ZMYND11: variants seen among roughly 807,000 people sequenced by gnomAD.
The protein encoded by ZMYND11 is zinc finger MYND domain-containing protein 11.
A neutral mutation model predicts 84.9 loss-of-function variants in ZMYND11; 9 were observed. The ratio of observed to expected loss-of-function variants is 0.11; its 90% CI spans 0.06 to 0.18. ZMYND11 has a LOEUF of 0.18. Ranked by LOEUF, ZMYND11 falls within the 10% of genes least tolerant of loss-of-function variation. ZMYND11 has a pLI of 1.00. For missense variants in ZMYND11, 409 were observed against 761.0 expected (o/e 0.54, Z 5.44); for synonymous variants, 250 against 244.1 (o/e 1.02, Z -0.23).
At position 248,906 on chromosome 10, in the gene ZMYND11, C is replaced by T. The variant is rs755336043; in HGVS notation, c.1504C>T (p.Arg502Cys). The change falls in exon 14 of 15, where the codon CGT becomes TGT. Residue 502 changes from arginine to cysteine, a missense_variant. Coordinates refer to ENST00000381604, the MANE Select transcript of ZMYND11 (RefSeq NM_001370100.5). ...RVVREALEKL[R>C]SEMEEEKRQA... ...GTGGGTTGTCTTTTCATTCCAGCTG[C>T]GTTCTGAAATGGAAGAAGAAAAGAG... The T allele has an allele frequency of 3.1e-6, 5 of 1,608,168 alleles. No individual in the cohort carries two copies. Among genetic ancestry groups the T allele is most frequent in the Non-Finnish European group, 8.5e-7 (1 of 1,176,892 alleles).
At chr10:176,906 A>G (rs904918709) in intron 1 of ZMYND11, among the ~76,000 whole-genome samples, 6 of 152,156 alleles carry the variant, frequency 3.9e-5, no homozygotes, top group Non-Finnish European at 5.9e-5. Context: ...CAGTAATGCA[A>G]TGTGCACTCA....
chr10:251,022 C>CA (rs1428284790), intron 14 of ZMYND11, among the ~76,000 whole-genome samples: 1 of 152,166 alleles, frequency 6.6e-6, no homozygotes, highest in Non-Finnish European at 1.5e-5. Context: ...GACTCACTCT[C>CA]AAAGAATCAA....
chr10:229,958 C>G (rs1435992244), intron 4 of ZMYND11, among the ~76,000 whole-genome samples: 2 of 152,148 alleles, frequency 1.3e-5, no homozygotes, highest in African/African-American at 4.8e-5. Flanking sequence ...TCCTAGATCT[C>G]CTCTATAATC....
chr10:163,344 A>G (rs1199981553), intron 1 of ZMYND11, among the ~76,000 whole-genome samples: 1 of 152,042 alleles, frequency 6.6e-6, no homozygotes, highest in Non-Finnish European at 1.5e-5. Flanking sequence ...CTATTTGCAA[A>G]TGGCTATTTT....
At chr10:243,383 A>AATTC (rs1438588838) in intron 10 of ZMYND11, among the ~76,000 whole-genome samples, 7 of 152,234 alleles carry the variant, frequency 4.6e-5, no homozygotes, top group Non-Finnish European at 1.0e-4. Context: ...AAAAAACAAG[A>AATTC]ATTCAGTTAT....
chr10:233,156 G>C (rs996766009), intron 4 of ZMYND11, among the ~76,000 whole-genome samples: 59 of 152,290 alleles, frequency 3.9e-4, no homozygotes, highest in Admixed American at 7.8e-4. Flanking sequence ...ACCCCATCCC[G>C]CAGCCGATTG....
At chr10:175,196 G>T (rs1846326509) in intron 1 of ZMYND11, among the ~76,000 whole-genome samples, 1 of 152,216 alleles carries the variant, frequency 6.6e-6, no homozygotes, top group African/African-American at 2.4e-5. Flanking sequence ...CTGTGCATGT[G>T]CATTTGTGGG....
chr10:211,341 T>G (rs1475570748), intron 3 of ZMYND11, among the ~76,000 whole-genome samples: 2 of 152,200 alleles, frequency 1.3e-5, no homozygotes, highest in Non-Finnish European at 2.9e-5. Context: ...GATTTAGTAA[T>G]TGCATACTTT....
chr10:153,236 A>G (rs1840849955), intron 1 of ZMYND11, among the ~76,000 whole-genome samples: 1 of 152,236 alleles, frequency 6.6e-6, no homozygotes, highest in Non-Finnish European at 1.5e-5. Flanking sequence ...ATCTCTCAAA[A>G]AATTTGAGAA....
intron 3 of ZMYND11, among the ~76,000 whole-genome samples, chr10:213,738 A>G (rs942907680): frequency 1.3e-5 from 2 of 152,188 alleles, no homozygotes; most frequent in African/African-American, 4.8e-5. Flanking sequence ...CTTGTCTTCA[A>G]TTCCACAATT....
chr10:217,395 C>T (rs187886285), intron 3 of ZMYND11, among the ~76,000 whole-genome samples: 13 of 151,858 alleles, frequency 8.6e-5, no homozygotes, highest in East Asian at 5.8e-4. Flanking sequence ...TGGTGGCGCA[C>T]GCCTGTAATT....
Position 153,569 on chromosome 10 carries a change from T to C in ZMYND11, c.-20+18010T>C, listed in dbSNP as rs72770966. Among the ~76,000 whole-genome samples, 357 of 152,320 alleles carry C rather than the reference T, an allele frequency of 2.3e-3. 2 individuals are homozygous for C. The highest frequency in any genetic ancestry group is 4.2e-3 in the Non-Finnish European group (286 of 68,024). On this transcript the variant is annotated intron_variant, in intron 1 of 14. Transcript: ENST00000381604. ...ATACATTCTATTTATATCAGTAACA[T>C]CTACAGAATGTTTATTGTATGTTAT...
intron 2 of ZMYND11, among the ~76,000 whole-genome samples, chr10:194,764 A>T (rs377088274): frequency 6.6e-6 from 1 of 152,186 alleles, no homozygotes; most frequent in Non-Finnish European, 1.5e-5. Flanking sequence ...TTATTTCAGT[A>T]TTACTGAAGT....
chr10:210,166 A>C (rs1237985391), intron 3 of ZMYND11, 118 bp downstream of exon 3: 10 of 1,144,348 alleles, frequency 8.7e-6, no homozygotes, highest in Non-Finnish European at 1.2e-5. Flanking sequence ...TAACATTTGT[A>C]TCAACATTAA....
chr10:195,371 CTG>C (rs1941481502), intron 2 of ZMYND11, among the ~76,000 whole-genome samples: 1 of 151,970 alleles, frequency 6.6e-6, no homozygotes, highest in Non-Finnish European at 1.5e-5. Flanking sequence ...AAAACATTAA[CTG>C]TAAAAAATAA....
chr10:231,100 A>G (rs1204842506), intron 4 of ZMYND11, among the ~76,000 whole-genome samples: 1 of 152,206 alleles, frequency 6.6e-6, no homozygotes, highest in Non-Finnish European at 1.5e-5. Context: ...ACACAGCCAC[A>G]CTCGTGATGT....
Position 249,082 on chromosome 10 carries a change from G to A in ZMYND11, c.1680G>A (p.Lys560=). The A allele has an allele frequency of 6.2e-7, 1 of 1,614,188 alleles. No homozygotes were observed. Among genetic ancestry groups the A allele is most frequent in the Non-Finnish European group, 8.5e-7 (1 of 1,180,044 alleles). Residue 560 remains lysine (K), a synonymous_variant, in exon 14 of 15, where the codon AAG becomes AAA. Transcript: ENST00000381604. ...AACTGATTTCTCAGACCAAGAAGAA[G>A]CAGTGGGTAAATACCAGTCTTTTTT... The part of the protein sequence containing the change: ...HKQLISQTKK[K]QWCYNCEEEA...
intron 1 of ZMYND11, among the ~76,000 whole-genome samples, chr10:139,693 T>TA: frequency 6.7e-6 from 1 of 150,144 alleles, no homozygotes; most frequent in South Asian, 2.1e-4. Context: ...AACTTAAACT[T>TA]ACACATGGTC....
At chr10:238,472 T>C (rs997925561) in intron 6 of ZMYND11, among the ~76,000 whole-genome samples, 1 of 152,184 alleles carries the variant, frequency 6.6e-6, no homozygotes, top group African/African-American at 2.4e-5. Flanking sequence ...TTCTCCTGCC[T>C]CAGCCTCCCG....
Sources: allele counts gnomAD v4.1 joint callset (sites outside exome capture counted in the v4.1 genomes callset), GRCh38; gene constraint gnomAD v4.1.1; transcripts MANE v1.5; gene names NCBI Gene and HGNC (gene_info 2026-07-23, HGNC 2026-07-21).